The following MEI4 variants were observed in gnomAD, a reference collection of about 807,000 sequenced individuals.
The protein encoded by MEI4 is meiosis-specific protein MEI4.
A neutral mutation model predicts 31.4 loss-of-function variants in MEI4; 27 were observed. That is an observed-to-expected ratio of 0.86 (90% CI 0.63 to 1.19). The LOEUF (loss-of-function observed/expected upper bound fraction) is 1.19, where lower values mean the gene tolerates loss of function less well. Ranked by LOEUF, MEI4 falls within the 50% of genes most tolerant of loss-of-function variation. The pLI is 0.00. For synonymous variants in MEI4, 122 were observed against 145.4 expected (o/e 0.84, Z 1.16); for missense variants, 329 against 398.9 (o/e 0.82, Z 1.49).
chr6:77,794,516 G>A (rs1048707593), intron 3 of MEI4, among the ~76,000 whole-genome samples: 22 of 151,976 alleles, frequency 1.4e-4, no homozygotes, highest in African/African-American at 4.1e-4. Flanking sequence ...TGAGCCGGAC[G>A]GCGCCACTGC....
intron 2 of MEI4, among the ~76,000 whole-genome samples, chr6:77,707,078 TAAG>T (rs990099130): frequency 9.4e-5 from 12 of 127,564 alleles, no homozygotes; most frequent in Non-Finnish European, 1.8e-4. Flanking sequence ...TTTGGAGAGC[TAAG>T]AAGAAGACAG....
intron 2 of MEI4, among the ~76,000 whole-genome samples, chr6:77,736,739 A>T (rs577749307): frequency 2.6e-5 from 4 of 152,094 alleles, no homozygotes; most frequent in African/African-American, 7.3e-5. Context: ...CCATAGCATC[A>T]CACAGTCTAG....
intron 3 of MEI4, among the ~76,000 whole-genome samples, chr6:77,768,497 C>T (rs774535508): frequency 5.3e-5 from 8 of 151,932 alleles, no homozygotes; most frequent in South Asian, 2.1e-4. Flanking sequence ...GTCAGGAGTT[C>T]GAGACCAGCC....
At chr6:77,863,105 TCA>T (rs1770912427) in intron 4 of MEI4, among the ~76,000 whole-genome samples, 1 of 37,606 alleles carries the variant, frequency 2.7e-5, no homozygotes, top group African/African-American at 3.2e-4. Context: ...CACAGGTAGA[TCA>T]GGTAGATAAA....
At chr6:77,897,420 T>G (rs4263552) in intron 4 of MEI4, among the ~76,000 whole-genome samples, 2,882 of 152,058 alleles carry the variant, frequency 0.019, 65 homozygotes, top group East Asian at 0.088. Flanking sequence ...GTTACATAAA[T>G]TCAGCTTCAA....
rs149974402 is a variant in MEI4, at chr6:77,770,020, C to T, written c.768+8355C>T. 1.5e-3 allele frequency among the ~76,000 whole-genome samples: 221 copies of T among 151,490 alleles called. 1 individual carries two copies. The highest frequency in any genetic ancestry group is 4.5e-3 in the African/African-American group (184 of 41,256). Reference sequence around the variant, plus strand: ...TCTTGCAGCCTGGTACCAGCTTGGCCGCAGTGGGGTAGAGCACCAAGAGAG... The same window carrying T: ...TCTTGCAGCCTGGTACCAGCTTGGCTGCAGTGGGGTAGAGCACCAAGAGAG... On this transcript the variant is annotated intron_variant, in intron 3 of 4. Coordinates refer to ENST00000684080, the MANE Select transcript of MEI4 (RefSeq NM_001322247.2).
intron 2 of MEI4, among the ~76,000 whole-genome samples, chr6:77,715,689 A>G (rs779470277): frequency 1.3e-5 from 2 of 152,216 alleles, no homozygotes; most frequent in Non-Finnish European, 2.9e-5. Context: ...CAGATAGACT[A>G]TACTTAAAAA....
Position 77,924,477 on chromosome 6 carries a change from A to AAT in MEI4, c.*1132_*1133dup, listed in dbSNP as rs1324013239. The AAT allele has an allele frequency of 6.6e-5, 10 of 151,460 alleles. No individual in the cohort carries two copies. Among genetic ancestry groups the AAT allele is most frequent in the African/African-American group, 2.4e-4 (10 of 41,046 alleles). 9.4% of individuals were successfully genotyped at this position (151,460 alleles called of 1,614,324 possible). ...TTTGTTATGTGACAGATAGATAATCAATCACAAAATATCTATCAGTGGCAT... is the reference window on the plus strand; with the variant it reads ...TTTGTTATGTGACAGATAGATAATCAATATCACAAAATATCTATCAGTGGCAT... On this transcript the variant is annotated 3_prime_UTR_variant, in exon 5 of 5. Coordinates refer to ENST00000684080, the MANE Select transcript of MEI4 (RefSeq NM_001322247.2).
chr6:77,916,834 A>G (rs1766565853), intron 4 of MEI4, among the ~76,000 whole-genome samples: 1 of 151,468 alleles, frequency 6.6e-6, no homozygotes, highest in African/African-American at 2.4e-5. Context: ...TTAGTTACAT[A>G]TGTATACATG....
chr6:77,925,373 T>C lies in MEI4; in HGVS notation c.*2027T>C, dbSNP rs1241894715. On this transcript the variant is annotated 3_prime_UTR_variant, in exon 5 of 5. Transcript: ENST00000684080. Reference sequence around the variant, plus strand: ...TTAACTTCCACCAAGTATATGATACTTTAATTATCCTGGGTTTCAGTCTAT... The same window carrying C: ...TTAACTTCCACCAAGTATATGATACCTTAATTATCCTGGGTTTCAGTCTAT... The C allele has an allele frequency of 4.6e-5, 7 of 151,880 alleles. No homozygotes were observed. In the Admixed American group the frequency reaches 4.6e-4, roughly 10 times the overall value. 9.4% of individuals were successfully genotyped at this position (151,880 alleles called of 1,614,324 possible). A position where few individuals can be genotyped will look rare whatever the true frequency, so the allele number is the denominator to read the frequency against.
intron 2 of MEI4, among the ~76,000 whole-genome samples, chr6:77,744,231 G>A (rs1767513262): frequency 6.6e-6 from 1 of 152,138 alleles, no homozygotes; most frequent in African/African-American, 2.4e-5. Flanking sequence ...AAAAAATTTA[G>A]ACGAATGTAT....
intron 4 of MEI4, among the ~76,000 whole-genome samples, chr6:77,907,398 T>A (rs975677668): frequency 1.3e-4 from 20 of 152,178 alleles, no homozygotes; most frequent in African/African-American, 4.6e-4. Flanking sequence ...TTTGGTTTTT[T>A]GTCCTTGTGA....
At chr6:77,780,468 C>T (rs1170129434) in intron 3 of MEI4, among the ~76,000 whole-genome samples, 1 of 152,112 alleles carries the variant, frequency 6.6e-6, no homozygotes, top group East Asian at 1.9e-4. Flanking sequence ...GTGAGTGGCC[C>T]AGCCCCATAG....
rs149400577 is a variant in MEI4, at chr6:77,893,551, C to A, written c.901-29538C>A. Among the ~76,000 whole-genome samples the A allele has an allele frequency of 1.4e-3, 212 of 152,198 alleles. 1 individual carries two copies. Among genetic ancestry groups the A allele is most frequent in the African/African-American group, 4.5e-3 (186 of 41,522 alleles). Reference sequence around the variant, plus strand: ...TGTAACGCTACCATGAATGGTAAGGCCTAAAGTATACAAAGCCGTCCTCTT... The same window carrying A: ...TGTAACGCTACCATGAATGGTAAGGACTAAAGTATACAAAGCCGTCCTCTT... On this transcript the variant is annotated intron_variant, in intron 4 of 4. Coordinates refer to ENST00000684080, the MANE Select transcript of MEI4 (RefSeq NM_001322247.2).
In MEI4 at chr6:77,764,862, T is replaced by G. The variant is rs78456679; in HGVS notation, c.768+3197T>G. On this transcript the variant is annotated intron_variant, in intron 3 of 4. Transcript: ENST00000684080. ...TAAACAATACAATTTTGAACAAACT[T>G]TGTGTCAAAGAAGAAATCAAAGGGA... 2.3e-4 allele frequency among the ~76,000 whole-genome samples: 35 copies of G among 149,100 alleles called. No homozygotes were observed. In the East Asian group the frequency reaches 5.8e-3, roughly 25 times the overall value.
chr6:77,749,595 G>C (rs547884220), intron 2 of MEI4, among the ~76,000 whole-genome samples: 3 of 152,158 alleles, frequency 2.0e-5, no homozygotes, highest in African/African-American at 7.2e-5. Flanking sequence ...AACAAACAAA[G>C]CCTCCAAGAA....
At chr6:77,831,066 A>G (rs969157019) in intron 4 of MEI4, among the ~76,000 whole-genome samples, 6 of 151,908 alleles carry the variant, frequency 3.9e-5, no homozygotes, top group African/African-American at 1.4e-4. Flanking sequence ...CAAGAAAACA[A>G]ACAATCTGAA....
At chr6:77,700,957 A>G (rs1029245322) in intron 2 of MEI4, among the ~76,000 whole-genome samples, 27 of 152,190 alleles carry the variant, frequency 1.8e-4, no homozygotes, top group African/African-American at 6.3e-4. Flanking sequence ...AAACAAAAGG[A>G]AAGTAGAAAG....
intron 2 of MEI4, among the ~76,000 whole-genome samples, chr6:77,733,914 C>G (rs1164982233): frequency 6.6e-6 from 1 of 152,044 alleles, no homozygotes; most frequent in African/African-American, 2.4e-5. Context: ...GCATGTTGTT[C>G]AGTTTCCATG....
Sources: allele counts gnomAD v4.1 joint callset (sites outside exome capture counted in the v4.1 genomes callset), GRCh38; gene constraint gnomAD v4.1.1; transcripts MANE v1.5; gene names NCBI Gene and HGNC (gene_info 2026-07-23, HGNC 2026-07-21).